Variants in KDM3B observed in about 807,000 individuals in gnomAD.
KDM3B encodes the protein lysine-specific demethylase 3B.
In KDM3B, 10 loss-of-function variants were observed where a neutral mutation model predicts 170.0. That is an observed-to-expected ratio of 0.06 (90% CI 0.04 to 0.10). KDM3B has a LOEUF of 0.10. Ranked by LOEUF, KDM3B falls within the 10% of genes least tolerant of loss-of-function variation. The probability of loss-of-function intolerance (pLI) is 1.00; values close to 1 mark genes in which losing one functional copy is unlikely to be tolerated. For missense variants in KDM3B, 1,394 were observed against 2,195.2 expected, an observed-to-expected ratio of 0.64 and a Z score of 7.29; for synonymous variants, 831 against 834.8, an observed-to-expected ratio of 1.00 and a Z score of 0.08.
intron 1 of KDM3B, among the ~76,000 whole-genome samples, chr5:138,361,445 G>T (rs1761608345): frequency 6.6e-6 from 1 of 151,850 alleles, no homozygotes; most frequent in African/African-American, 2.4e-5. Context: ...CACATGCAAG[G>T]TTATTAATTT....
intron 23 of KDM3B, among the ~76,000 whole-genome samples, chr5:138,432,285 C>G (rs1321977883): frequency 6.6e-6 from 1 of 152,208 alleles, no homozygotes; most frequent in African/African-American, 2.4e-5. Context: ...GATTACAGTT[C>G]ATGTCCCTAA....
intron 9 of KDM3B, among the ~76,000 whole-genome samples, 191 bp downstream of exon 9, chr5:138,393,563 A>G (rs1363784365): frequency 6.6e-6 from 1 of 152,104 alleles, no homozygotes; most frequent in African/African-American, 2.4e-5. Context: ...ATGACATGTG[A>G]TTTTGTCCTT....
intron 1 of KDM3B, among the ~76,000 whole-genome samples, chr5:138,366,051 A>G (rs555698796): frequency 2.3e-4 from 35 of 152,168 alleles, no homozygotes; most frequent in African/African-American, 7.7e-4. Context: ...TGATGAGGCT[A>G]AAATACTGTT....
intron 11 of KDM3B, among the ~76,000 whole-genome samples, chr5:138,404,482 C>T (rs534907875): frequency 7.2e-5 from 11 of 151,968 alleles, no homozygotes; most frequent in Non-Finnish European, 1.5e-4. Flanking sequence ...ACAAAATTAG[C>T]CGGGTGTGGT....
chr5:138,415,223 A>G lies in KDM3B; in HGVS notation c.3291A>G (p.Gln1097=). 6.2e-7 allele frequency: 1 copy of G among 1,604,730 alleles called. No individual in the cohort carries two copies. The highest frequency in any genetic ancestry group is 8.5e-7 in the Non-Finnish European group (1 of 1,173,228). Residue 1097 remains glutamine (Q), a synonymous_variant, in exon 12 of 24, where the codon CAA becomes CAG. Transcript: ENST00000314358. ...AACCAGAGAATCTCATGCCCACACA[A>G]ATTATTCCTGGCACAGGTAAGGAAA... ...SHEPENLMPT[Q]IIPGTALYNI... is the part of the protein sequence containing the mutation.
At chr5:138,431,353 T>C in intron 22 of KDM3B, 72 bp from the exon 23 acceptor site, 1 of 1,290,528 alleles carries the variant, frequency 7.7e-7, no homozygotes, top group Non-Finnish European at 1.0e-6. Flanking sequence ...TTTAACTATA[T>C]CATGGACATT....
chr5:138,404,833 C>T (rs988406693), intron 11 of KDM3B, among the ~76,000 whole-genome samples: 1 of 151,976 alleles, frequency 6.6e-6, no homozygotes, highest in Non-Finnish European at 1.5e-5. Flanking sequence ...AAGCTATTCT[C>T]CTGCCTCAGC....
chr5:138,375,169 G>A lies in KDM3B; in HGVS notation c.437G>A (p.Arg146Gln), dbSNP rs753246528. Residue 146 changes from arginine to glutamine, a missense_variant, in exon 3 of 24, where the codon CGG (arginine) becomes CAG (glutamine). Arg to Gln is a conservative substitution (Grantham distance 43). Around this residue, in one of 19 missense-constraint regions of KDM3B, gnomAD observed 166 missense variants for 216.4 expected, o/e 0.77. Coordinates refer to ENST00000314358, the MANE Select transcript of KDM3B (RefSeq NM_016604.4). ...PVEYLLDRELRFLSDANGLHL... is the reference protein window; with the variant it reads ...PVEYLLDRELQFLSDANGLHL... ...GAATATCTTCTGGATCGAGAGCTTC[G>A]GTTCCTGTCAGATGCCAATGGGTTG... is the stretch of plus-strand genomic sequence containing the variant. 53 of 1,613,490 alleles carry A rather than the reference G, an allele frequency of 3.3e-5. No individual in the cohort carries two copies. The Admixed American group carries it at 5.2e-4, about 16-fold the overall frequency.
At chr5:138,418,223 G>T (rs747947471) in intron 13 of KDM3B, among the ~76,000 whole-genome samples, 1 of 151,954 alleles carries the variant, frequency 6.6e-6, no homozygotes, top group Admixed American at 6.6e-5. Context: ...GGGACTACAG[G>T]CATGCGCCAC....
chr5:138,354,814 G>A (rs749204469), intron 1 of KDM3B, among the ~76,000 whole-genome samples: 1 of 152,202 alleles, frequency 6.6e-6, no homozygotes, highest in Non-Finnish European at 1.5e-5. Context: ...AGAAGCAAAG[G>A]CAGGTTTGTA....
chr5:138,361,556 T>C (rs1475966493), intron 1 of KDM3B, among the ~76,000 whole-genome samples: 1 of 152,182 alleles, frequency 6.6e-6, no homozygotes, highest in East Asian at 1.9e-4. Flanking sequence ...GTGCAAAGAA[T>C]TGGACAAGGG....
At chr5:138,363,475 C>T (rs1761666026) in intron 1 of KDM3B, among the ~76,000 whole-genome samples, 1 of 152,132 alleles carries the variant, frequency 6.6e-6, no homozygotes. Context: ...AGATTTGAAG[C>T]ATTTGGTGTT....
intron 10 of KDM3B, 37 bp downstream of exon 10, chr5:138,398,429 A>C: frequency 6.3e-7 from 1 of 1,576,594 alleles, no homozygotes; most frequent in Non-Finnish European, 8.7e-7. Context: ...AGGTGCTCCT[A>C]GTGAAAAACT....
intron 1 of KDM3B, among the ~76,000 whole-genome samples, chr5:138,367,620 G>A (rs1028323083): frequency 1.3e-5 from 2 of 152,156 alleles, no homozygotes; most frequent in Non-Finnish European, 2.9e-5. Flanking sequence ...ATCGAAGCAT[G>A]TGTTGTACCA....
intron 19 of KDM3B, 80 bp from the exon 20 acceptor site, chr5:138,427,887 G>C: frequency 7.5e-7 from 1 of 1,341,000 alleles, no homozygotes; most frequent in Non-Finnish European, 1.0e-6. Flanking sequence ...ACACCCTTGA[G>C]CATGTTTTCA....
intron 7 of KDM3B, among the ~76,000 whole-genome samples, chr5:138,386,973 A>G (rs1169581838): frequency 1.3e-5 from 2 of 152,222 alleles, no homozygotes; most frequent in Non-Finnish European, 2.9e-5. Context: ...AGGTTAATGA[A>G]TTACAGTATT....
intron 3 of KDM3B, among the ~76,000 whole-genome samples, chr5:138,376,741 C>T (rs1024603708): frequency 1.9e-4 from 28 of 150,466 alleles, no homozygotes; most frequent in African/African-American, 6.1e-4. Flanking sequence ...GCAGAGGTGG[C>T]TTCTCCGAGG....
chr5:138,405,148 A>T (rs1561782255), intron 11 of KDM3B, among the ~76,000 whole-genome samples: 1 of 151,032 alleles, frequency 6.6e-6, no homozygotes, highest in Non-Finnish European at 1.5e-5. Context: ...GGTTCAAGTG[A>T]TTCTCCTGCC....
rs142394181 is a variant in KDM3B at position 138,357,640 on chromosome 5, G to A, written c.192+4653G>A. Among the ~76,000 whole-genome samples, 1,189 of 152,304 alleles carry A rather than the reference G, an allele frequency of 7.8e-3. 7 individuals are homozygous for A. The highest frequency in any genetic ancestry group is 0.014 in the Non-Finnish European group (938 of 68,022). The stretch of plus-strand genomic sequence containing the variant: ...CTCCCAAAGTGTTGGGATTACAGGC[G>A]TGAGCCACCATGCCCAGCCAACATT... On this transcript the variant is annotated intron_variant, in intron 1 of 23. Coordinates refer to ENST00000314358, the MANE Select transcript of KDM3B (RefSeq NM_016604.4).
Sources: gnomAD v4.1 joint callset for allele counts (sites outside exome capture counted in the v4.1 genomes callset) on GRCh38, gnomAD v4.1.1 for gene constraint, gnomAD v4.1.1 regional missense constraint, MANE v1.5 for transcripts, NCBI Gene and HGNC (gene_info 2026-07-23, HGNC 2026-07-21) for gene names.